Variants in TXNRD2 observed in about 807,000 individuals in gnomAD.
TXNRD2 encodes the protein thioredoxin reductase 2.
Under a neutral mutation model 70.8 loss-of-function variants are expected in TXNRD2, and 67 were observed. The observed-to-expected ratio is 0.95, with a 90% confidence interval of 0.78 to 1.16. TXNRD2 has a LOEUF of 1.16. Among genes scored for constraint, TXNRD2 ranks in the 50% most tolerant of loss-of-function variants. TXNRD2 has a pLI of 0.00. For synonymous variants in TXNRD2, 301 were observed against 295.8 expected, an observed-to-expected ratio of 1.02 and a Z score of -0.18; for missense variants, 644 against 719.9, an observed-to-expected ratio of 0.89 and a Z score of 1.21.
intron 1 of TXNRD2, chr22:19,932,283 G>A: frequency 1.2e-6 from 2 of 1,611,324 alleles, no homozygotes; most frequent in Admixed American, 1.7e-5. Context: ...AGCCACCCTG[G>A]GCACAGGGAG....
chr22:19,925,936 G>A (rs1052762417), intron 2 of TXNRD2, among the ~76,000 whole-genome samples: 3 of 152,154 alleles, frequency 2.0e-5, no homozygotes, highest in Non-Finnish European at 4.4e-5. Flanking sequence ...GGAGGCCGAG[G>A]CGGGTGGATC....
At chr22:19,920,475 C>T (rs755229742) in intron 2 of TXNRD2, among the ~76,000 whole-genome samples, 25 of 151,952 alleles carry the variant, frequency 1.6e-4, no homozygotes, top group South Asian at 1.5e-3. Flanking sequence ...CCCAGCTACC[C>T]GGGAGGCTGA....
At chr22:19,904,649 C>T (rs916286271) in intron 8 of TXNRD2, among the ~76,000 whole-genome samples, 1 of 152,210 alleles carries the variant, frequency 6.6e-6, no homozygotes, top group African/African-American at 2.4e-5. Flanking sequence ...GCAGCCTGTG[C>T]CTGTAGTAGA....
rs35225890 is a variant in TXNRD2, at chr22:19,883,944, C to CA, written c.950-484dup. 972 of 133,430 alleles carry CA rather than the reference C, an allele frequency of 7.3e-3. 6 individuals carry two copies. Among genetic ancestry groups the CA allele is most frequent in the African/African-American group, 0.011 (415 of 37,026 alleles). The allele number at this position is 133,430 out of a possible 1,614,324, so 8.3% of individuals were successfully genotyped here. On this transcript the variant is annotated intron_variant, in intron 11 of 17. Transcript: ENST00000400521. ...GCGCAACAAGAGCAAAACTCTGTCT[C>CA]AAAAAAAAAAAAAGAAAGAAAAGAA...
chr22:19,921,779 T>C (rs1038151233), intron 2 of TXNRD2, among the ~76,000 whole-genome samples: 1 of 152,278 alleles, frequency 6.6e-6, no homozygotes, highest in African/African-American at 2.4e-5. Flanking sequence ...GCATGTGTCT[T>C]GGGAAACTAC....
intron 16 of TXNRD2, 82 bp downstream of exon 16, chr22:19,878,008 C>T (rs1168665999): frequency 1.7e-6 from 2 of 1,166,252 alleles, no homozygotes; most frequent in East Asian, 5.0e-5. Flanking sequence ...AGAGTGGCAG[C>T]AGCTCTCCAC....
chr22:19,920,789 G>T (rs1398479041), intron 2 of TXNRD2, among the ~76,000 whole-genome samples: 8 of 152,182 alleles, frequency 5.3e-5, no homozygotes, highest in Non-Finnish European at 1.0e-4. Flanking sequence ...ACAAAGTTTT[G>T]TAAGAGTTCA....
chr22:19,900,417 A>G (rs1227317951), intron 8 of TXNRD2, among the ~76,000 whole-genome samples: 1 of 152,230 alleles, frequency 6.6e-6, no homozygotes, highest in Non-Finnish European at 1.5e-5. Context: ...CTCTTTTTGG[A>G]CTTGCTATAT....
intron 7 of TXNRD2, 40 bp from the exon 8 acceptor site, chr22:19,911,487 T>C: frequency 1.3e-6 from 2 of 1,541,268 alleles, no homozygotes; most frequent in Non-Finnish European, 1.8e-6. Context: ...AGAGCTCCAT[T>C]TGGCCTGTCC....
chr22:19,919,003 G>A lies in TXNRD2; in HGVS notation c.231C>T (p.Gly77=). 1 of 1,609,106 alleles carries A rather than the reference G, an allele frequency of 6.2e-7. No individual in the cohort carries two copies. Among genetic ancestry groups the A allele is most frequent in the Non-Finnish European group, 8.5e-7 (1 of 1,179,706 alleles). Residue 77 remains glycine (G), a splice_region_variant and synonymous_variant, in exon 4 of 18, where the codon GGC becomes GGT. Coordinates refer to ENST00000400521, the MANE Select transcript of TXNRD2 (RefSeq NM_006440.5). The part of the protein sequence containing the change: ...VVDYVEPSPQ[G]TRWGLGGTCV... ...AGGTGCCGCCGAGGCCCCACCGGGT[G>A]CCTGGGACGTGGGAAGAGCACATTT...
At chr22:19,932,053 C>T (rs935116533) in intron 1 of TXNRD2, among the ~76,000 whole-genome samples, 3 of 148,748 alleles carry the variant, frequency 2.0e-5, no homozygotes, top group African/African-American at 5.0e-5. Flanking sequence ...CCCAGCTACT[C>T]GGGAGGCTGA....
rs559199480 is a variant in TXNRD2 at position 19,912,449 on chromosome 22, C to CA, written c.592-1003dup. ...CCCTGTGAGCCCAAAGAGCCGTCAGCAGCTGCCCGTGAGGTGCAGAGCAGG... is the reference window on the plus strand; with the variant it reads ...CCCTGTGAGCCCAAAGAGCCGTCAGCAAGCTGCCCGTGAGGTGCAGAGCAGG... On this transcript the variant is annotated intron_variant, in intron 7 of 17. Transcript: ENST00000400521. Among the ~76,000 whole-genome samples the CA allele has an allele frequency of 8.9e-4, 136 of 152,276 alleles. 2 individuals are homozygous for CA. In the East Asian group the frequency reaches 0.023, roughly 26 times the overall value.
chr22:19,879,231 A>G (rs1938645048), intron 14 of TXNRD2, among the ~76,000 whole-genome samples: 1 of 152,182 alleles, frequency 6.6e-6, no homozygotes, highest in African/African-American at 2.4e-5. Context: ...TCTGGGGTGC[A>G]GGGGGAAGGG....
At chr22:19,928,020 G>A (rs1204484047) in intron 2 of TXNRD2, among the ~76,000 whole-genome samples, 1 of 151,448 alleles carries the variant, frequency 6.6e-6, no homozygotes, top group African/African-American at 2.4e-5. Context: ...TAATCCCAAC[G>A]TTTTGGGAGG....
intron 14 of TXNRD2, among the ~76,000 whole-genome samples, chr22:19,879,802 C>G (rs558374520): frequency 5.5e-4 from 84 of 152,080 alleles, no homozygotes; most frequent in African/African-American, 2.0e-3. Flanking sequence ...AGCAGGGGAG[C>G]GGGTGGCACC....
intron 12 of TXNRD2, among the ~76,000 whole-genome samples, chr22:19,881,699 G>C (rs1253038740): frequency 6.6e-6 from 1 of 152,234 alleles, no homozygotes; most frequent in Non-Finnish European, 1.5e-5. Flanking sequence ...TGTGCACAGA[G>C]ATGCACATGG....
intron 2 of TXNRD2, among the ~76,000 whole-genome samples, chr22:19,928,029 G>A (rs1011192551): frequency 3.3e-5 from 5 of 151,932 alleles, no homozygotes; most frequent in Admixed American, 1.3e-4. Context: ...CGTTTTGGGA[G>A]GCCAAGGTGG....
chr22:19,876,831 G>A (rs542424401), intron 17 of TXNRD2: 6 of 355,432 alleles, frequency 1.7e-5, no homozygotes, highest in East Asian at 1.3e-4. Flanking sequence ...TGGCCAGGCC[G>A]GGGTCTGGGG....
chr22:19,909,670 TCA>T (rs1276099452), intron 8 of TXNRD2, among the ~76,000 whole-genome samples: 14 of 50,348 alleles, frequency 2.8e-4, no homozygotes, highest in Admixed American at 1.5e-3. Context: ...CACACACCAC[TCA>T]CACACACTAC....
Sources: gnomAD v4.1 joint callset for allele counts (sites outside exome capture counted in the v4.1 genomes callset) on GRCh38, gnomAD v4.1.1 for gene constraint, MANE v1.5 for transcripts, NCBI Gene and HGNC (gene_info 2026-07-23, HGNC 2026-07-21) for gene names.